The following LMNTD1 variants were observed in gnomAD, a reference collection of about 807,000 sequenced individuals.
LMNTD1 encodes lamin tail domain containing 1.
In LMNTD1, 35 loss-of-function variants were observed where a neutral mutation model predicts 50.9. The observed-to-expected ratio is 0.69, with a 90% CI of 0.53 to 0.91. LMNTD1 has a LOEUF of 0.91. Among genes scored for constraint, LMNTD1 ranks in the 40% least tolerant of loss-of-function variants. LMNTD1 has a pLI of 0.00. For missense variants in LMNTD1, 470 were observed against 475.5 expected (o/e 0.99, Z 0.11); for synonymous variants, 153 against 161.9 (o/e 0.94, Z 0.42).
At chr12:25,515,518 C>G (rs1940690462) in intron 8 of LMNTD1, among the ~76,000 whole-genome samples, 1 of 151,952 alleles carries the variant, frequency 6.6e-6, no homozygotes, top group African/African-American at 2.4e-5. Context: ...ATTCCAATAT[C>G]AGATCAGAAC....
intron 9 of LMNTD1, among the ~76,000 whole-genome samples, chr12:25,477,253 CAG>C (rs1325719356): frequency 1.3e-5 from 2 of 151,880 alleles, no homozygotes; most frequent in African/African-American, 2.4e-5. Flanking sequence ...TTGGGGCTGA[CAG>C]AAAGTTTATT....
chr12:25,642,084 A>G (rs2136627478), intron 1 of LMNTD1, among the ~76,000 whole-genome samples: 1 of 152,290 alleles, frequency 6.6e-6, no homozygotes, highest in Admixed American at 6.5e-5. Context: ...ACATTTCCCC[A>G]AAGTTAGTGG....
intron 6 of LMNTD1, 25 bp from the exon 7 acceptor site, chr12:25,520,100 T>C: frequency 6.8e-7 from 1 of 1,465,264 alleles, no homozygotes; most frequent in Non-Finnish European, 9.5e-7. Context: ...TTATTAATGT[T>C]GGCTATGTAT....
At chr12:25,562,568 A>G (rs532800888) in intron 1 of LMNTD1, among the ~76,000 whole-genome samples, 1 of 151,874 alleles carries the variant, frequency 6.6e-6, no homozygotes, top group Non-Finnish European at 1.5e-5. Flanking sequence ...TGCCCTTAAC[A>G]TTTTTCCTTC....
chr12:25,581,498 G>T (rs1043723844), intron 1 of LMNTD1, among the ~76,000 whole-genome samples: 1 of 152,034 alleles, frequency 6.6e-6, no homozygotes, highest in Admixed American at 6.6e-5. Flanking sequence ...CTAAATCACA[G>T]AATTTAATAA....
chr12:25,593,811 AAAAG>A (rs1306100301), intron 1 of LMNTD1, among the ~76,000 whole-genome samples: 9 of 152,104 alleles, frequency 5.9e-5, no homozygotes, highest in East Asian at 1.9e-4. Context: ...AAAAAAAAAA[AAAAG>A]AAAGATACAA....
At chr12:25,486,308 G>T (rs1565935666) in intron 9 of LMNTD1, among the ~76,000 whole-genome samples, 1 of 150,302 alleles carries the variant, frequency 6.7e-6, no homozygotes. Flanking sequence ...CTCTCTGTTT[G>T]TCTGTTGTTG....
At chr12:25,637,145 A>T (rs952140914) in intron 1 of LMNTD1, among the ~76,000 whole-genome samples, 1 of 152,170 alleles carries the variant, frequency 6.6e-6, no homozygotes, top group African/African-American at 2.4e-5. Flanking sequence ...GTAAATAAAT[A>T]AATTAATTAA....
chr12:25,580,344 C>G (rs963791783), intron 1 of LMNTD1, among the ~76,000 whole-genome samples: 2 of 152,106 alleles, frequency 1.3e-5, no homozygotes, highest in Non-Finnish European at 2.9e-5. Flanking sequence ...TGCACTGTGG[C>G]CATCCATACC....
chr12:25,632,649 C>G (rs1220045760), intron 1 of LMNTD1, among the ~76,000 whole-genome samples: 2 of 152,164 alleles, frequency 1.3e-5, no homozygotes, highest in African/African-American at 2.4e-5. Flanking sequence ...AAAAGGAGCT[C>G]TAAATCTTCA....
intron 1 of LMNTD1, among the ~76,000 whole-genome samples, chr12:25,595,816 A>G (rs1485529431): frequency 6.6e-6 from 1 of 152,156 alleles, no homozygotes; most frequent in African/African-American, 2.4e-5. Context: ...TTTTGAAAAG[A>G]AAAACAAAAA....
At chr12:25,627,684 TTAAC>T (rs781665746) in intron 1 of LMNTD1, among the ~76,000 whole-genome samples, 2 of 152,210 alleles carry the variant, frequency 1.3e-5, no homozygotes, top group Non-Finnish European at 2.9e-5. Context: ...TATCCATAAA[TTAAC>T]TAAAGGTGCA....
intron 1 of LMNTD1, among the ~76,000 whole-genome samples, chr12:25,618,704 T>A (rs764684301): frequency 2.0e-5 from 3 of 152,176 alleles, no homozygotes; most frequent in Non-Finnish European, 4.4e-5. Flanking sequence ...GGTAAAAGAA[T>A]TTAACATCAA....
chr12:25,527,640 C>CTATATATATATATATA (rs61347000), intron 4 of LMNTD1, among the ~76,000 whole-genome samples: 37 of 61,586 alleles, frequency 6.0e-4, no homozygotes, highest in South Asian at 1.6e-3. Flanking sequence ...CTTAATAACA[C>CTATATATATATATATA]TATATATATA....
At chr12:25,575,350 T>C (rs1944960711) in intron 1 of LMNTD1, among the ~76,000 whole-genome samples, 3 of 152,154 alleles carry the variant, frequency 2.0e-5, no homozygotes, top group African/African-American at 7.2e-5. Context: ...GAAAAACCTC[T>C]AGAAGAGAAT....
At chr12:25,603,263 G>A (rs1294547240) in intron 1 of LMNTD1, among the ~76,000 whole-genome samples, 1 of 151,992 alleles carries the variant, frequency 6.6e-6, no homozygotes, top group Non-Finnish European at 1.5e-5. Context: ...ATCTCAATAG[G>A]AATATTGCAA....
At chr12:25,629,475 C>T (rs892051696) in intron 1 of LMNTD1, among the ~76,000 whole-genome samples, 10 of 152,136 alleles carry the variant, frequency 6.6e-5, no homozygotes, top group African/African-American at 2.4e-4. Flanking sequence ...AAGTTTCATA[C>T]CAAGAGAAAC....
intron 1 of LMNTD1, among the ~76,000 whole-genome samples, chr12:25,604,211 T>G (rs1218959517): frequency 1.3e-5 from 2 of 152,108 alleles, no homozygotes; most frequent in Admixed American, 6.6e-5. Context: ...TTCTTACAGC[T>G]TTCACTTCTT....
At chr12:25,625,548 T>TG (rs1219431659) in intron 1 of LMNTD1, among the ~76,000 whole-genome samples, 2 of 152,276 alleles carry the variant, frequency 1.3e-5, no homozygotes, top group Admixed American at 1.3e-4. Context: ...CTGCTGTCTC[T>TG]GGGGGGTTCT....
Sources: allele counts gnomAD v4.1 joint callset (sites outside exome capture counted in the v4.1 genomes callset), GRCh38; gene constraint gnomAD v4.1.1; transcripts MANE v1.5; gene names NCBI Gene and HGNC (gene_info 2026-07-23, HGNC 2026-07-21).